GALNT6: variants seen among roughly 807,000 people sequenced by gnomAD.
The protein encoded by GALNT6 is GalNAc transferase 6.
Under a neutral mutation model 65.9 loss-of-function variants are expected in GALNT6, and 51 were observed. That is an observed-to-expected ratio of 0.77 (90% CI 0.62 to 0.98). The LOEUF is 0.98. Among genes scored for constraint, GALNT6 ranks in the 50% least tolerant of loss-of-function variants. The probability of loss-of-function intolerance (pLI) is 0.00; values close to 1 mark genes in which losing one functional copy is unlikely to be tolerated. For missense variants in GALNT6, 708 were observed against 803.3 expected, an observed-to-expected ratio of 0.88 and a Z score of 1.43; for synonymous variants, 323 against 315.1, an observed-to-expected ratio of 1.02 and a Z score of -0.26.
intron 4 of GALNT6, among the ~76,000 whole-genome samples, chr12:51,369,681 G>A (rs759729012): frequency 2.0e-5 from 3 of 152,072 alleles, no homozygotes; most frequent in Non-Finnish European, 2.9e-5. Context: ...CCCAAAACAG[G>A]CTCTGAATTT....
intron 4 of GALNT6, among the ~76,000 whole-genome samples, chr12:51,374,419 T>C (rs1296273638): frequency 6.6e-6 from 1 of 152,186 alleles, no homozygotes; most frequent in African/African-American, 2.4e-5. Context: ...AGTATCTGTC[T>C]TCCCTGGGAA....
intron 2 of GALNT6, among the ~76,000 whole-genome samples, chr12:51,384,414 A>G (rs1454132928): frequency 6.6e-6 from 1 of 152,188 alleles, no homozygotes; most frequent in Non-Finnish European, 1.5e-5. Flanking sequence ...AGTTAGGACC[A>G]GGCACAGTGG....
rs185879937 is a variant in GALNT6, at chr12:51,356,472, T to C, written c.1603-514A>G. Among the ~76,000 whole-genome samples, 9 of 150,098 alleles carry C rather than the reference T, an allele frequency of 6.0e-5. No homozygotes were observed. In the East Asian group the frequency reaches 1.8e-3, roughly 30 times the overall value. ...ATTCGTTTGTTCAAGCGATCCTCCA[T>C]GTCAGCTTCCTGAGTAGCTGAGACT... is the stretch of plus-strand genomic sequence containing the variant. On this transcript the variant is annotated intron_variant, in intron 10 of 11. Transcript: ENST00000356317.
intron 4 of GALNT6, among the ~76,000 whole-genome samples, chr12:51,375,518 T>C (rs577420834): frequency 2.0e-5 from 3 of 152,058 alleles, no homozygotes; most frequent in African/African-American, 7.2e-5. Context: ...ATTTATGACC[T>C]ATCTCATATC....
chr12:51,377,216 C>T lies in GALNT6; in HGVS notation c.643G>A (p.Val215Met), dbSNP rs1350547903. ...PAILLKEIIL[V>M]DDASTEEHLK... ...TCACCCTCTGTGCTGGCATCATCCACCAGTATGATCTCCTTGAGCAAGATG... is the reference window on the plus strand; with the variant it reads ...TCACCCTCTGTGCTGGCATCATCCATCAGTATGATCTCCTTGAGCAAGATG... Residue 215 changes from valine (V) to methionine (M), a missense_variant, in exon 4 of 12, where the codon GTG becomes ATG. Val to Met is a conservative substitution (Grantham distance 21). Coordinates refer to ENST00000356317, the MANE Select transcript of GALNT6 (RefSeq NM_007210.4). 1 of 1,613,606 alleles carries T rather than the reference C, an allele frequency of 6.2e-7. No homozygotes were observed. The highest frequency in any genetic ancestry group is 8.5e-7 in the Non-Finnish European group (1 of 1,179,908).
chr12:51,377,908 C>G (rs1947516913), intron 3 of GALNT6, among the ~76,000 whole-genome samples: 2 of 152,220 alleles, frequency 1.3e-5, no homozygotes, highest in South Asian at 4.1e-4. Flanking sequence ...CTATCACAGT[C>G]AATTTCCTGC....
intron 4 of GALNT6, among the ~76,000 whole-genome samples, chr12:51,369,608 G>T (rs1343332235): frequency 6.6e-6 from 1 of 152,192 alleles, no homozygotes. Flanking sequence ...GGCTCCCAGG[G>T]ATTCCTTCCT....
chr12:51,358,946 T>C (rs141206814), intron 8 of GALNT6, among the ~76,000 whole-genome samples, 186 bp downstream of exon 8: 30 of 152,268 alleles, frequency 2.0e-4, no homozygotes, highest in Non-Finnish European at 4.1e-4. Flanking sequence ...AGGGACAACA[T>C]TCTCTAGCTT....
Position 51,358,165 on chromosome 12 carries a change from A to G in GALNT6, c.1465T>C (p.Phe489Leu), listed in dbSNP as rs756580925. The stretch of plus-strand genomic sequence containing the variant: ...AAGGTGGGCGTCAGGTCAGGAACAA[A>G]CATCTCTGGGTAGACATTGTGCAGG... ...WYLHNVYPEM[F>L]VPDLTPTFYG... is the part of the protein sequence containing the mutation. The change falls in exon 9 of 12, where the codon TTT becomes CTT. Residue 489 changes from phenylalanine to leucine, a missense_variant. By Grantham distance (22) the Phe-to-Leu change is conservative. Transcript: ENST00000356317. The G allele has an allele frequency of 1.2e-6, 2 of 1,614,056 alleles. No homozygotes were observed. Among genetic ancestry groups the G allele is most frequent in the South Asian group, 2.2e-5 (2 of 91,082 alleles).
Position 51,379,491 on chromosome 12 carries a change from A to G in GALNT6, c.291T>C (p.Ala97=), listed in dbSNP as rs773036910. The G allele has an allele frequency of 8.7e-6, 14 of 1,613,992 alleles. No homozygotes were observed. The Admixed American group carries it at 2.0e-4, about 23-fold the overall frequency. ...QSCLPGFYTP[A]ELKPFWERPP... is the part of the protein sequence containing the mutation. ...GCCGTTCCCAGAAGGGCTTCAGTTC[A>G]GCTGGGGTATAGAACCCAGGGAGGC... Residue 97 remains alanine, a synonymous_variant, in exon 3 of 12, where the codon GCT becomes GCC. Transcript: ENST00000356317.
intron 5 of GALNT6, 35 bp from the exon 6 acceptor site, chr12:51,364,390 C>A (rs750565831): frequency 2.1e-6 from 3 of 1,457,204 alleles, no homozygotes; most frequent in South Asian, 2.3e-5. Context: ...CAGTCAGGGC[C>A]CTGCCCACAG....
intron 5 of GALNT6, 68 bp downstream of exon 5, chr12:51,365,362 T>C: frequency 6.9e-7 from 1 of 1,440,010 alleles, no homozygotes; most frequent in Non-Finnish European, 9.5e-7. Flanking sequence ...GGGGAGGCTG[T>C]GGCCCTGGCT....
intron 10 of GALNT6, among the ~76,000 whole-genome samples, chr12:51,356,353 CTTTTTTTTTTTTT>C (rs58408607): frequency 1.5e-5 from 1 of 66,940 alleles, no homozygotes; most frequent in Non-Finnish European, 2.7e-5. Context: ...TATATTTTCT[CTTTTTTTTTTTTT>C]TTTTTTTTTT....
chr12:51,378,991 C>T (rs1406819300), intron 3 of GALNT6, among the ~76,000 whole-genome samples: 2 of 152,022 alleles, frequency 1.3e-5, no homozygotes, highest in African/African-American at 2.4e-5. Flanking sequence ...CCCCAGTCAC[C>T]CCGTGCCAGG....
chr12:51,365,127 C>G (rs928598321), intron 5 of GALNT6, among the ~76,000 whole-genome samples: 1 of 152,158 alleles, frequency 6.6e-6, no homozygotes, highest in African/African-American at 2.4e-5. Context: ...TCTGAGGGGC[C>G]AAGCTCAGAG....
chr12:51,354,531 G>T, intron 11 of GALNT6, 39 bp from the exon 12 acceptor site: 1 of 1,357,982 alleles, frequency 7.4e-7, no homozygotes, highest in Non-Finnish European at 1.0e-6. Flanking sequence ...CTGGGCCACA[G>T]ACCTCTTAAC....
At chr12:51,378,993 C>T (rs118108214) in intron 3 of GALNT6, among the ~76,000 whole-genome samples, 1,572 of 152,114 alleles carry the variant, frequency 0.01, 10 homozygotes, top group Non-Finnish European at 0.017. Flanking sequence ...CCAGTCACCC[C>T]GTGCCAGGTC....
chr12:51,365,092 C>T (rs1489630621), intron 5 of GALNT6, among the ~76,000 whole-genome samples: 1 of 152,152 alleles, frequency 6.6e-6, no homozygotes. Context: ...CCAAACAAGC[C>T]AGTTCTGTCA....
At chr12:51,358,087 G>A (rs1946804475) in intron 9 of GALNT6, 43 bp downstream of exon 9, 3 of 1,585,140 alleles carry the variant, frequency 1.9e-6, no homozygotes, top group Admixed American at 1.7e-5. Flanking sequence ...TTCTCCAAGG[G>A]GTGCTGTGGT....
Sources: allele counts gnomAD v4.1 joint callset (sites outside exome capture counted in the v4.1 genomes callset), GRCh38; gene constraint gnomAD v4.1.1; transcripts MANE v1.5; gene names NCBI Gene and HGNC (gene_info 2026-07-23, HGNC 2026-07-21).